Variants in ARGLU1 observed in about 807,000 individuals in gnomAD.
The protein encoded by ARGLU1 is arginine and glutamate rich 1, also known as arginine and glutamate-rich protein 1.
Under a neutral mutation model 37.6 loss-of-function variants are expected in ARGLU1, and 9 were observed. The observed-to-expected ratio is 0.24, with a 90% confidence interval of 0.14 to 0.42. The LOEUF (loss-of-function observed/expected upper bound fraction) is 0.42, where lower values mean the gene tolerates loss of function less well. Ranked by LOEUF, ARGLU1 falls within the 10% of genes least tolerant of loss-of-function variation. ARGLU1 has a pLI of 1.00. For synonymous variants in ARGLU1, 166 were observed against 138.5 expected (o/e 1.20, Z -1.39); for missense variants, 211 against 359.2 (o/e 0.59, Z 3.34).
At chr13:106,561,370 GAAT>G (rs951207638) in intron 1 of ARGLU1, among the ~76,000 whole-genome samples, 9 of 150,806 alleles carry the variant, frequency 6.0e-5, no homozygotes, top group East Asian at 1.9e-4. Context: ...GAGTACCCAA[GAAT>G]AATAATAATA....
Position 106,568,076 on chromosome 13 carries a change from G to C in ARGLU1, c.-157C>G. 1.7e-6 allele frequency: 2 copies of C among 1,162,234 alleles called. No homozygotes were observed. Among genetic ancestry groups the C allele is most frequent in the South Asian group, 3.6e-5 (2 of 55,866 alleles). 72.0% of individuals were successfully genotyped at this position (1,162,234 alleles called of 1,614,324 possible). On this transcript the variant is annotated 5_prime_UTR_variant, in exon 1 of 4. Coordinates refer to ENST00000400198, the MANE Select transcript of ARGLU1 (RefSeq NM_018011.4). ...ATGCCTTTTCCCGGCGTCTACAGCT[G>C]CCACGAAGGCCGCCTCCAACGAGAA...
rs776618160 is a variant in ARGLU1, at chr13:106,544,197, A to G, written c.658-37T>C. The G allele has an allele frequency of 2.4e-5, 36 of 1,491,388 alleles. 1 individual carries two copies. The highest frequency in any genetic ancestry group is 2.5e-4 in the Middle Eastern group (1 of 4,000). 92.4% of individuals were successfully genotyped at this position (1,491,388 alleles called of 1,614,324 possible). On this transcript the variant is annotated intron_variant, in intron 3 of 3. Transcript: ENST00000400198. ...AAGTAAAAATTAATTATAGAAATGT[A>G]TTAAAAATTATCATATGTACCCCTG...
In ARGLU1 at chr13:106,567,744, C is replaced by A; in HGVS notation, c.176G>T (p.Arg59Leu). 1.2e-6 allele frequency: 2 copies of A among 1,611,910 alleles called. No individual in the cohort carries two copies. The highest frequency in any genetic ancestry group is 1.7e-6 in the Non-Finnish European group (2 of 1,179,210). Residue 59 changes from arginine (R) to leucine (L), a missense_variant, in exon 1 of 4, where the codon CGC becomes CTC. By Grantham distance (102) the Arg-to-Leu change is moderately radical. Transcript: ENST00000400198. This position sits in a 1 kb window ranked among gnomAD's most constrained non-coding sequence, Gnocchi z 4.3. ...NRRRESRSRS[R>L]STNTAVSRRE... ...CCGGGACACGGCCGTGTTGGTGGAG[C>A]GCGAACGGGACCGCGACTCCCGCCG... is the stretch of plus-strand genomic sequence containing the variant.
chr13:106,567,637 G>C lies in ARGLU1; in HGVS notation c.283C>G (p.Leu95Val), dbSNP rs1396466462. The C allele has an allele frequency of 6.2e-7, 1 of 1,613,580 alleles. No individual in the cohort carries two copies. Among genetic ancestry groups the C allele is most frequent in the South Asian group, 1.1e-5 (1 of 91,070 alleles). The change falls in exon 1 of 4, where the codon CTG becomes GTG. Residue 95 changes from leucine to valine, a missense_variant. Around this residue, in one of 3 missense-constraint regions of ARGLU1, gnomAD observed 130 missense variants for 179.8 expected, o/e 0.72. Coordinates refer to ENST00000400198, the MANE Select transcript of ARGLU1 (RefSeq NM_018011.4). The surrounding 1 kb of genome is among the most constrained non-coding windows in gnomAD (Gnocchi z 4.3). ...TCCTCTCGCTTCTGCTTCTCGTCCA[G>C]GCTGCTGCGCTTGCTCACCGTGCGC... is the stretch of plus-strand genomic sequence containing the variant. ...FGRTVSKRSSLDEKQKREEEE... is the reference protein window; with the variant it reads ...FGRTVSKRSSVDEKQKREEEE...
chr13:106,543,999 A>G lies in ARGLU1; in HGVS notation c.819T>C (p.Asp273=). 6.3e-7 allele frequency: 1 copy of G among 1,585,440 alleles called. No homozygotes were observed. The highest frequency in any genetic ancestry group is 8.5e-7 in the Non-Finnish European group (1 of 1,171,438). The part of the protein sequence containing the change: ...PKLSFSLKTQ[D] ...TAAAAAGTTCAGAGTTTGCAATTTA[A>G]TCCTGGGTTTTTAATGAGAAGGACA... Residue 273 remains aspartate, a synonymous_variant, in exon 4 of 4, where the codon GAT becomes GAC. Transcript: ENST00000400198.
intron 3 of ARGLU1, among the ~76,000 whole-genome samples, chr13:106,546,800 TAAGAG>T (rs771702387): frequency 6.6e-6 from 1 of 152,126 alleles, no homozygotes; most frequent in African/African-American, 2.4e-5. Context: ...CCTTAATCCA[TAAGAG>T]AAATCTAATG....
At chr13:106,558,653 G>A in intron 2 of ARGLU1, 1 of 985,414 alleles carries the variant, frequency 1.0e-6, no homozygotes, top group Non-Finnish European at 1.2e-6. Context: ...GCAAATTACT[G>A]TCTCACAGAA....
At chr13:106,544,903 A>G (rs1044277270) in intron 3 of ARGLU1, among the ~76,000 whole-genome samples, 20 of 152,352 alleles carry the variant, frequency 1.3e-4, no homozygotes, top group African/African-American at 4.3e-4. Flanking sequence ...GGACACTGGT[A>G]TAACTGATTC....
chr13:106,559,067 A>AAT (rs1801388954), intron 2 of ARGLU1: 1 of 1,213,246 alleles, frequency 8.2e-7, no homozygotes, highest in Non-Finnish European at 1.0e-6. Flanking sequence ...AGAATAGAAG[A>AAT]ATATACAACC....
rs1311887832 is a variant in ARGLU1 at position 106,542,450 on chromosome 13, C to G, written c.*1546G>C. 6.6e-6 allele frequency: 1 copy of G among 152,000 alleles called. No individual in the cohort carries two copies. The highest frequency in any genetic ancestry group is 2.4e-5 in the African/African-American group (1 of 41,400). The allele number at this position is 152,000 out of a possible 1,614,324, so 9.4% of individuals were successfully genotyped here. A position where few individuals can be genotyped will look rare whatever the true frequency, so the allele number is the denominator to read the frequency against. On this transcript the variant is annotated 3_prime_UTR_variant, in exon 4 of 4. Transcript: ENST00000400198. The stretch of plus-strand genomic sequence containing the variant: ...CTAAAAGTTCTCACTATATTTCATG[C>G]CTATTTAAAATTCTACCTTTAAAGA...
At chr13:106,566,479 G>C (rs1880966819) in intron 1 of ARGLU1, among the ~76,000 whole-genome samples, 1 of 152,194 alleles carries the variant, frequency 6.6e-6, no homozygotes. Flanking sequence ...CTGAAGAACT[G>C]ACCAAGTACG....
chr13:106,554,481 G>A (rs986883490), intron 3 of ARGLU1, among the ~76,000 whole-genome samples: 1 of 152,106 alleles, frequency 6.6e-6, no homozygotes, highest in African/African-American at 2.4e-5. Context: ...CAATAAAAGT[G>A]GAAGTGGGCC....
In ARGLU1 at chr13:106,557,316, A is replaced by T; in HGVS notation, c.574-185T>A. The T allele has an allele frequency of 1.5e-6, 1 of 667,740 alleles. No homozygotes were observed. The allele number at this position is 667,740 out of a possible 1,614,324, so 41.4% of individuals were successfully genotyped here. A position where few individuals can be genotyped will look rare whatever the true frequency, so the allele number is the denominator to read the frequency against. ...TGGTTTCTAGCACTAAATTTAAATC[A>T]TCCCTCCCAGTCCAAACAGCAACCA... On this transcript the variant is annotated intron_variant, in intron 2 of 3. Transcript: ENST00000400198. This position sits in a 1 kb window ranked among gnomAD's most constrained non-coding sequence, Gnocchi z 5.0.
intron 3 of ARGLU1, among the ~76,000 whole-genome samples, chr13:106,556,269 AC>A (rs1192785220): frequency 2.0e-5 from 3 of 152,222 alleles, no homozygotes; most frequent in African/African-American, 7.2e-5. Flanking sequence ...GGTGATATTT[AC>A]CAAGAATCCA....
At position 106,567,231 on chromosome 13, in the gene ARGLU1, C is replaced by A. The variant is rs1459000316; in HGVS notation, c.347+342G>T. On this transcript the variant is annotated intron_variant, in intron 1 of 3. Transcript: ENST00000400198. The surrounding 1 kb of genome is among the most constrained non-coding windows in gnomAD (Gnocchi z 4.3). ...CATCTGCAGGCCGGCTCGCTCCCGG[C>A]CTCACAAGCCAACGCAGCTCTCCGA... Among the ~76,000 whole-genome samples the A allele has an allele frequency of 1.3e-5, 2 of 152,024 alleles. No individual in the cohort carries two copies. The highest frequency in any genetic ancestry group is 2.9e-5 in the Non-Finnish European group (2 of 67,982).
intron 1 of ARGLU1, chr13:106,561,954 T>C (rs1880813097): frequency 6.6e-6 from 1 of 152,214 alleles, no homozygotes; most frequent in Non-Finnish European, 1.5e-5. Context: ...AAGGAGTCAA[T>C]TCTAACTACA....
At chr13:106,552,469 G>A (rs1040802343) in intron 3 of ARGLU1, among the ~76,000 whole-genome samples, 6 of 152,048 alleles carry the variant, frequency 3.9e-5, no homozygotes, top group African/African-American at 1.2e-4. Flanking sequence ...CAGGTTGTAC[G>A]GTTTGTATTT....
At chr13:106,558,202 A>T (rs889179165) in intron 2 of ARGLU1, 1 of 985,138 alleles carries the variant, frequency 1.0e-6, no homozygotes, top group African/African-American at 1.7e-5. Flanking sequence ...TCGCTACAAG[A>T]CAGCACCATT....
At chr13:106,546,670 T>C (rs1325216862) in intron 3 of ARGLU1, among the ~76,000 whole-genome samples, 1 of 152,166 alleles carries the variant, frequency 6.6e-6, no homozygotes, top group Non-Finnish European at 1.5e-5. Flanking sequence ...TGTGTGTGTG[T>C]GCCTAAGAAA....
Sources: gnomAD v4.1 joint callset for allele counts (sites outside exome capture counted in the v4.1 genomes callset) on GRCh38, gnomAD v4.1.1 for gene constraint, gnomAD v4.1.1 regional missense constraint, Gnocchi (gnomAD v3.1) non-coding constraint, MANE v1.5 for transcripts, NCBI Gene and HGNC (gene_info 2026-07-23, HGNC 2026-07-21) for gene names.